The following LRIT1 variants were observed in gnomAD, a reference collection of about 807,000 sequenced individuals.
LRIT1 encodes leucine rich repeat, Ig-like and transmembrane domains 1, also known as leucine-rich repeat, immunoglobulin-like domain and transmembrane domain-containing protein 1.
In LRIT1, 23 loss-of-function variants were observed where a neutral mutation model predicts 24.0. That is an observed-to-expected ratio of 0.96 (90% CI 0.69 to 1.36). The LOEUF is 1.36. Ranked by LOEUF, LRIT1 falls within the 40% of genes most tolerant of loss-of-function variation. The probability of loss-of-function intolerance (pLI) is 0.00; values close to 1 mark genes in which losing one functional copy is unlikely to be tolerated. For synonymous variants in LRIT1, 361 were observed against 340.5 expected, an observed-to-expected ratio of 1.06 and a Z score of -0.66; for missense variants, 846 against 806.3, an observed-to-expected ratio of 1.05 and a Z score of -0.60.
Position 84,232,139 on chromosome 10 carries a change from T to C in LRIT1, c.1660A>G (p.Lys554Glu), listed in dbSNP as rs1842604012. The change falls in exon 4 of 4, where the codon AAG (lysine) becomes GAG (glutamate). Residue 554 changes from lysine (K) to glutamate (E), a missense_variant. Coordinates refer to ENST00000372105, the MANE Select transcript of LRIT1 (RefSeq NM_015613.3). ...TTGTTGAAGCACTTTCGGCAGCGCT[T>C]CTGAAGAGCACTGCAGCAGACAAGC... Reference protein sequence around the residue: ...TLLVCCSALQKRCRKCFNKDS... With the variant: ...TLLVCCSALQERCRKCFNKDS... 2 of 1,614,036 alleles carry C rather than the reference T, an allele frequency of 1.2e-6. No individual in the cohort carries two copies. Among genetic ancestry groups the C allele is most frequent in the Admixed American group, 3.3e-5 (2 of 60,004 alleles).
chr10:84,238,698 C>T (rs1842671547), intron 1 of LRIT1, among the ~76,000 whole-genome samples: 1 of 152,218 alleles, frequency 6.6e-6, no homozygotes, highest in Admixed American at 6.5e-5. Flanking sequence ...TTGCCTGCCA[C>T]CCTGCATGAG....
In LRIT1 at chr10:84,241,499, G is replaced by GTCCCAGCAA; in HGVS notation, c.-61_-60insTTGCTGGGA. The GTCCCAGCAA allele has an allele frequency of 1.4e-6, 2 of 1,421,114 alleles. No individual in the cohort carries two copies. Among genetic ancestry groups the GTCCCAGCAA allele is most frequent in the Non-Finnish European group, 1.8e-6 (2 of 1,087,976 alleles). 88.0% of individuals were successfully genotyped at this position (1,421,114 alleles called of 1,614,324 possible). A position where few individuals can be genotyped will look rare whatever the true frequency, so the allele number is the denominator to read the frequency against. ...TGTCCCTGGACCGCTCCGTCCCACC[G>GTCCCAGCAA]GCCCAGCAAGCTCAGCAGCTGCCCA... On this transcript the variant is annotated 5_prime_UTR_variant, in exon 1 of 4. Transcript: ENST00000372105.
At chr10:84,234,708 A>G (rs911544169) in intron 2 of LRIT1, among the ~76,000 whole-genome samples, 4 of 152,210 alleles carry the variant, frequency 2.6e-5, no homozygotes, top group African/African-American at 9.6e-5. Flanking sequence ...GCCAGGCAGT[A>G]TTTCCACAAT....
chr10:84,241,302 G>C lies in LRIT1; in HGVS notation c.122+16C>G. On this transcript the variant is annotated intron_variant, in intron 1 of 3. Coordinates refer to ENST00000372105, the MANE Select transcript of LRIT1 (RefSeq NM_015613.3). ...ATGGAGGCTGGGCTGCCCGTCCCAC[G>C]CACCCGGTACCATACCTGGCCTTGC... The C allele has an allele frequency of 6.2e-7, 1 of 1,613,718 alleles. No individual in the cohort carries two copies. Among genetic ancestry groups the C allele is most frequent in the Non-Finnish European group, 8.5e-7 (1 of 1,179,862 alleles).
Position 84,231,942 on chromosome 10 carries a change from A to G in LRIT1, c.1857T>C (p.Asn619=). The stretch of plus-strand genomic sequence containing the variant: ...GGCATATCCCTCAGCAGAAGTACTC[A>G]TTGATTCTCCTGCCCCCTTTGACTC... The part of the protein sequence containing the change: ...AFGVKGGRRI[N]EYFC The change falls in exon 4 of 4, where the codon AAT becomes AAC. Residue 619 remains asparagine (N), a synonymous_variant. Transcript: ENST00000372105. The G allele has an allele frequency of 1.9e-6, 3 of 1,606,916 alleles. No individual in the cohort carries two copies. Among genetic ancestry groups the G allele is most frequent in the South Asian group, 2.2e-5 (2 of 90,900 alleles).
Position 84,232,587 on chromosome 10 carries a change from C to G in LRIT1, c.1212G>C (p.Glu404Asp). Residue 404 changes from glutamate to aspartate, a missense_variant, in exon 4 of 4, where the codon GAG (glutamate) becomes GAC (aspartate). Transcript: ENST00000372105. Reference sequence around the variant, plus strand: ...CCATCTGGAAGTGCTCAAGGGTCAGCTCCTCCTTTGTGCTGGGCACAGAGG... The same window carrying G: ...CCATCTGGAAGTGCTCAAGGGTCAGGTCCTCCTTTGTGCTGGGCACAGAGG... ...TGPSVPSTKE[E>D]LTLEHFQMDA... 6.2e-7 allele frequency: 1 copy of G among 1,614,122 alleles called. No individual in the cohort carries two copies. The highest frequency in any genetic ancestry group is 1.1e-5 in the South Asian group (1 of 91,084).
In LRIT1 at chr10:84,232,528, C is replaced by T. The variant is rs763953650; in HGVS notation, c.1271G>A (p.Gly424Glu). 3 of 1,614,058 alleles carry T rather than the reference C, an allele frequency of 1.9e-6. No homozygotes were observed. In the African/African-American group the frequency reaches 4.0e-5, roughly 22 times the overall value. The part of the protein sequence containing the change: ...ALGELSDGRA[G>E]PSEARMVRSV... ...CCTCACCATTCGTGCCTCTGAGGGT[C>T]CTGCCCGCCCATCAGAGAGCTCTCC... is the stretch of plus-strand genomic sequence containing the variant. The change falls in exon 4 of 4, where the codon GGA becomes GAA. Residue 424 changes from glycine to glutamate, a missense_variant. Transcript: ENST00000372105.
chr10:84,232,401 A>C lies in LRIT1; in HGVS notation c.1398T>G (p.Phe466Leu). The change falls in exon 4 of 4, where the codon TTT becomes TTG. Residue 466 changes from phenylalanine (F) to leucine (L), a missense_variant. Coordinates refer to ENST00000372105, the MANE Select transcript of LRIT1 (RefSeq NM_015613.3). ...TCACCCGCCGCATGCTGTGCTGCCCAAAGACCGCGTAGAGGACACTGAAGG... is the reference window on the plus strand; with the variant it reads ...TCACCCGCCGCATGCTGTGCTGCCCCAAGACCGCGTAGAGGACACTGAAGG... Reference protein sequence around the residue: ...TTAFSVLYAVFGQHSMRRVIV... With the variant: ...TTAFSVLYAVLGQHSMRRVIV... 6.2e-7 allele frequency: 1 copy of C among 1,614,098 alleles called. No individual in the cohort carries two copies. The highest frequency in any genetic ancestry group is 8.5e-7 in the Non-Finnish European group (1 of 1,180,008).
rs772203367 is a variant in LRIT1 at position 84,237,558 on chromosome 10, C to T, written c.251G>A (p.Arg84His). Residue 84 changes from arginine (R) to histidine (H), a missense_variant, in exon 2 of 4, where the codon CGC becomes CAC. Coordinates refer to ENST00000372105, the MANE Select transcript of LRIT1 (RefSeq NM_015613.3). Reference sequence around the variant, plus strand: ...GTAAGGCAGCCACAGCTGCTCCAGGCGGCCCAGGGGCCTGAAGGCCTCGCC... The same window carrying T: ...GTAAGGCAGCCACAGCTGCTCCAGGTGGCCCAGGGGCCTGAAGGCCTCGCC... ...VPGEAFRPLG[R>H]LEQLWLPYNA... 2 of 1,606,072 alleles carry T rather than the reference C, an allele frequency of 1.2e-6. No homozygotes were observed. The highest frequency in any genetic ancestry group is 1.7e-6 in the Non-Finnish European group (2 of 1,179,732).
In LRIT1 at chr10:84,237,350, G is replaced by A; in HGVS notation, c.459C>T (p.Phe153=). 1 of 1,550,518 alleles carries A rather than the reference G, an allele frequency of 6.4e-7. No homozygotes were observed. The change falls in exon 2 of 4, where the codon TTC becomes TTT. Residue 153 remains phenylalanine (F), a synonymous_variant. Coordinates refer to ENST00000372105, the MANE Select transcript of LRIT1 (RefSeq NM_015613.3). Reference sequence around the variant, plus strand: ...GGTCGAGGAAGGTGAGGTTCTCCAGGAAGCGCGCGGCCTCAGCGGGCACAG... The same window carrying A: ...GGTCGAGGAAGGTGAGGTTCTCCAGAAAGCGCGCGGCCTCAGCGGGCACAG... ...LSAVPAEAAR[F]LENLTFLDLS...
At chr10:84,237,829 G>C in intron 1 of LRIT1, 143 bp from the exon 2 acceptor site, 1 of 653,664 alleles carries the variant, frequency 1.5e-6, no homozygotes, top group Non-Finnish European at 2.6e-6. Flanking sequence ...CGGGGACCTG[G>C]AGAGGGGCCC....
chr10:84,237,379 A>G lies in LRIT1; in HGVS notation c.430T>C (p.Ser144Pro). The G allele has an allele frequency of 6.5e-7, 1 of 1,549,180 alleles. No homozygotes were observed. The highest frequency in any genetic ancestry group is 8.7e-7 in the Non-Finnish European group (1 of 1,146,880). Residue 144 changes from serine (S) to proline (P), a missense_variant, in exon 2 of 4, where the codon TCG (serine) becomes CCG (proline). Transcript: ENST00000372105. Reference protein sequence around the residue: ...RLLDLQANRLSAVPAEAARFL... With the variant: ...RLLDLQANRLPAVPAEAARFL... ...CGCGCGGCCTCAGCGGGCACAGCCG[A>G]GAGGCGGTTGGCCTGCAGGTCCAGC...
rs2132866423 is a variant in LRIT1, at chr10:84,237,430, GC to G, written c.378del (p.Leu127SerfsTer41). 1 of 1,547,890 alleles carries G rather than the reference GC, an allele frequency of 6.5e-7. No homozygotes were observed. Among genetic ancestry groups the G allele is most frequent in the East Asian group, 2.4e-5 (1 of 41,232 alleles). ...GNRLAAFPWA[A>X]LRDAPKLRLL... The stretch of plus-strand genomic sequence containing the variant: ...AGCCGCAGCTTGGGGGCGTCCCTGA[GC>G]GCCGCCCAGGGGAAGGCGGCCAGGC... On this transcript the variant is annotated frameshift_variant, in exon 2 of 4. Coordinates refer to ENST00000372105, the MANE Select transcript of LRIT1 (RefSeq NM_015613.3). LOFTEE classifies it high-confidence loss of function.
chr10:84,238,029 T>C (rs558327634), intron 1 of LRIT1, among the ~76,000 whole-genome samples: 15 of 152,304 alleles, frequency 9.8e-5, no homozygotes, highest in Middle Eastern at 3.4e-3. Flanking sequence ...ATGATCGCGT[T>C]GTGCACTGTT....
rs942189323 is a variant in LRIT1 at position 84,237,601 on chromosome 10, C to T, written c.208G>A (p.Ala70Thr). ...DTSRLRLERT[A>T]IRRVPGEAFR... is the part of the protein sequence containing the mutation. ...GCCTCGCCAGGAACCCTGCGTATGG[C>T]CGTCCGCTCCAGGCGCAGTCTGGAG... Residue 70 changes from alanine to threonine, a missense_variant, in exon 2 of 4, where the codon GCC (alanine) becomes ACC (threonine). Physicochemically the swap from Ala to Thr is moderately conservative, Grantham distance 58. Coordinates refer to ENST00000372105, the MANE Select transcript of LRIT1 (RefSeq NM_015613.3). 1.2e-6 allele frequency: 2 copies of T among 1,606,592 alleles called. No homozygotes were observed. The highest frequency in any genetic ancestry group is 1.3e-5 in the African/African-American group (1 of 74,924).
rs145282826 is a variant in LRIT1, at chr10:84,232,469, C to T, written c.1330G>A (p.Val444Met). 273 of 1,614,132 alleles carry T rather than the reference C, an allele frequency of 1.7e-4. 1 individual carries two copies. In the Middle Eastern group the frequency reaches 2.0e-3, roughly 12 times the overall value. Reference sequence around the variant, plus strand: ...TGGGGTGCCTTCCACACCAAGGACACGCTGTGGTAAGTGTCCCCCACCACC... The same window carrying T: ...TGGGGTGCCTTCCACACCAAGGACATGCTGTGGTAAGTGTCCCCCACCACC... Reference protein sequence around the residue: ...VKVVGDTYHSVSLVWKAPQAK... With the variant: ...VKVVGDTYHSMSLVWKAPQAK... The change falls in exon 4 of 4, where the codon GTG (valine) becomes ATG (methionine). Residue 444 changes from valine (V) to methionine (M), a missense_variant. By Grantham distance (21) the Val-to-Met change is conservative. Transcript: ENST00000372105.
At position 84,237,610 on chromosome 10, in the gene LRIT1, C is replaced by T. The variant is rs1842662466; in HGVS notation, c.199G>A (p.Glu67Lys). ...IPPDTSRLRLERTAIRRVPGE... is the reference protein window; with the variant it reads ...IPPDTSRLRLKRTAIRRVPGE... ...GGAACCCTGCGTATGGCCGTCCGCT[C>T]CAGGCGCAGTCTGGAGGTGTCCGGG... Residue 67 changes from glutamate (E) to lysine (K), a missense_variant, in exon 2 of 4, where the codon GAG becomes AAG. Transcript: ENST00000372105. 6.2e-7 allele frequency: 1 copy of T among 1,606,954 alleles called. No homozygotes were observed. Among genetic ancestry groups the T allele is most frequent in the Non-Finnish European group, 8.5e-7 (1 of 1,179,706 alleles).
intron 2 of LRIT1, among the ~76,000 whole-genome samples, chr10:84,236,930 T>C (rs548776825): frequency 2.0e-5 from 3 of 152,184 alleles, no homozygotes; most frequent in African/African-American, 2.4e-5. Context: ...ACCGAAAAAA[T>C]AGCAGGTCCA....
chr10:84,233,034 C>T (rs1842617144), intron 3 of LRIT1, 131 bp from the exon 4 acceptor site: 1 of 1,031,572 alleles, frequency 9.7e-7, no homozygotes. Context: ...GGCAGTCACT[C>T]AGTGTTTCTT....
Sources: gnomAD v4.1 joint callset for allele counts (sites outside exome capture counted in the v4.1 genomes callset) on GRCh38, gnomAD v4.1.1 for gene constraint, MANE v1.5 for transcripts, NCBI Gene and HGNC (gene_info 2026-07-23, HGNC 2026-07-21) for gene names.